The following RGS12 variants were observed in gnomAD, a reference collection of about 807,000 sequenced individuals.
RGS12 encodes regulator of G protein signaling 12, also known as regulator of G-protein signaling 12.
In RGS12, 66 loss-of-function variants were observed where a neutral mutation model predicts 120.1. That is an observed-to-expected ratio of 0.55 (90% CI 0.45 to 0.67). The LOEUF is 0.67. RGS12 is among the 30% of genes least tolerant of loss of function. The pLI is 0.00. For missense variants in RGS12, 1,859 were observed against 1,957.7 expected, an observed-to-expected ratio of 0.95 and a Z score of 0.95; for synonymous variants, 827 against 804.7, an observed-to-expected ratio of 1.03 and a Z score of -0.47.
chr4:3,345,957 A>T (rs1317124621), intron 3 of RGS12, among the ~76,000 whole-genome samples: 1 of 151,894 alleles, frequency 6.6e-6, no homozygotes, highest in Non-Finnish European at 1.5e-5. Context: ...GGGGTTTCTC[A>T]TGTTGCCCGG....
At chr4:3,423,935 C>T in intron 13 of RGS12, 2 of 317,500 alleles carry the variant, frequency 6.3e-6, no homozygotes, top group South Asian at 7.5e-5. Flanking sequence ...CCTGGACTAT[C>T]CTCCGCTGTT....
At position 3,374,758 on chromosome 4, in the gene RGS12, CA is replaced by C. The variant is rs1170225995; in HGVS notation, c.1999-11657del. ...CCTCGTCCCCATCTCTTGCCTGGAG[CA>C]CCACAGAGCCTCCAGCTGCCCCTGC... On this transcript the variant is annotated intron_variant, in intron 3 of 17. Coordinates refer to ENST00000336727, the MANE Select transcript of RGS12 (RefSeq NM_001394154.1). This position sits in a 1 kb window ranked among gnomAD's most constrained non-coding sequence, Gnocchi z 6.3. 6.6e-6 allele frequency among the ~76,000 whole-genome samples: 1 copy of C among 152,112 alleles called. No individual in the cohort carries two copies. The highest frequency in any genetic ancestry group is 1.5e-5 in the Non-Finnish European group (1 of 68,014).
At chr4:3,300,967 G>A (rs908164187) in intron 1 of RGS12, among the ~76,000 whole-genome samples, 1 of 152,226 alleles carries the variant, frequency 6.6e-6, no homozygotes, top group African/African-American at 2.4e-5. Flanking sequence ...ACCTGGGGGT[G>A]GTGAGGAGCC....
intron 2 of RGS12, chr4:3,342,338 C>T (rs1378893215): frequency 9.1e-7 from 1 of 1,097,246 alleles, no homozygotes; most frequent in African/African-American, 1.7e-5. Flanking sequence ...TAATGATGGG[C>T]ACAACATAGA....
In RGS12 at chr4:3,316,942, T is replaced by C. The variant is rs537770741; in HGVS notation, c.772T>C (p.Cys258Arg). 1 of 1,613,952 alleles carries C rather than the reference T, an allele frequency of 6.2e-7. No individual in the cohort carries two copies. Among genetic ancestry groups the C allele is most frequent in the East Asian group, 2.2e-5 (1 of 44,886 alleles). ...ESDSLQAIRG[C>R]MRRLRAEQKI... Reference sequence around the variant, plus strand: ...CGACAGCTTGCAAGCCATCCGCGGCTGCATGCGGCGCCTGCGGGCAGAGCA... The same window carrying C: ...CGACAGCTTGCAAGCCATCCGCGGCCGCATGCGGCGCCTGCGGGCAGAGCA... Residue 258 changes from cysteine (C) to arginine (R), a missense_variant, in exon 2 of 18, where the codon TGC (cysteine) becomes CGC (arginine). Cys to Arg is a radical substitution (Grantham distance 180). Transcript: ENST00000336727.
intron 4 of RGS12, among the ~76,000 whole-genome samples, chr4:3,387,530 G>A (rs1250452003): frequency 6.6e-6 from 1 of 152,250 alleles, no homozygotes; most frequent in Non-Finnish European, 1.5e-5. Flanking sequence ...ACTGGCACCT[G>A]AAGCCGAGAC....
At chr4:3,402,067 T>C (rs956109043) in intron 4 of RGS12, among the ~76,000 whole-genome samples, 4 of 152,234 alleles carry the variant, frequency 2.6e-5, no homozygotes, top group African/African-American at 9.6e-5. Context: ...CCTGGGCCAG[T>C]GGACATGGGA....
chr4:3,385,303 G>A (rs1718721366), intron 3 of RGS12: 1 of 152,386 alleles, frequency 6.6e-6, no homozygotes, highest in African/African-American at 2.4e-5. Flanking sequence ...CCCGCAGGAA[G>A]GGGTTCCTGC....
intron 5 of RGS12, 142 bp downstream of exon 5, chr4:3,414,383 C>T (rs538572727): frequency 2.3e-5 from 21 of 929,272 alleles, no homozygotes; most frequent in African/African-American, 5.0e-5. Context: ...CTCCCTGGAC[C>T]GCCACCCTCT....
chr4:3,414,522 G>A (rs1461764285), intron 5 of RGS12: 1 of 600,934 alleles, frequency 1.7e-6, no homozygotes, highest in African/African-American at 1.9e-5. Context: ...TCTGTGTTAA[G>A]AAGCCAGGTG....
intron 9 of RGS12, 120 bp downstream of exon 9, chr4:3,417,661 C>A: frequency 9.3e-7 from 1 of 1,075,576 alleles, no homozygotes. Flanking sequence ...GCCCTGTTGG[C>A]GGGTCGAGGA....
At chr4:3,381,962 T>C (rs1158695666) in intron 3 of RGS12, among the ~76,000 whole-genome samples, 1 of 152,234 alleles carries the variant, frequency 6.6e-6, no homozygotes, top group Non-Finnish European at 1.5e-5. Context: ...CAGCCACCTG[T>C]ATGTGAAGGC....
chr4:3,423,944 T>C (rs1275811914), intron 13 of RGS12: 4 of 296,206 alleles, frequency 1.4e-5, no homozygotes, highest in African/African-American at 8.5e-5. Context: ...TCCTCCGCTG[T>C]TGGCCAATGT....
chr4:3,301,205 C>T (rs1350983962), intron 1 of RGS12, among the ~76,000 whole-genome samples: 1 of 152,164 alleles, frequency 6.6e-6, no homozygotes, highest in Non-Finnish European at 1.5e-5. Flanking sequence ...GGCTGCCCTC[C>T]TCTGTTACAT....
Position 3,376,902 on chromosome 4 carries a change from G to C in RGS12, c.1999-9514G>C, listed in dbSNP as rs561464457. Among the ~76,000 whole-genome samples the C allele has an allele frequency of 5.9e-5, 9 of 152,328 alleles. No homozygotes were observed. In the South Asian group the frequency reaches 1.9e-3, roughly 32 times the overall value. ...CGAGGCCTCAGTCTCAGCCTCTGGC[G>C]TGGATGCTGTGCTCTTCTGCATTTA... is the stretch of plus-strand genomic sequence containing the variant. On this transcript the variant is annotated intron_variant, in intron 3 of 17. Transcript: ENST00000336727.
rs1042461000 is a variant in RGS12, at chr4:3,365,347, A to G, written c.1999-21069A>G. Among the ~76,000 whole-genome samples the G allele has an allele frequency of 8.8e-5, 13 of 148,200 alleles. No homozygotes were observed. Among genetic ancestry groups the G allele is most frequent in the Admixed American group, 4.0e-4 (6 of 14,968 alleles). The stretch of plus-strand genomic sequence containing the variant: ...TGCCTACTCTTGGCCCTTTACAGGG[A>G]GTCTGGAGGGAGGAGGGAGACAGGT... On this transcript the variant is annotated intron_variant, in intron 3 of 17. Transcript: ENST00000336727. The surrounding 1 kb of genome is among the most constrained non-coding windows in gnomAD (Gnocchi z 4.0).
chr4:3,386,547 C>G, intron 4 of RGS12, 110 bp downstream of exon 4: 2 of 947,784 alleles, frequency 2.1e-6, no homozygotes, highest in South Asian at 2.9e-5. Context: ...GTTTGCCTTT[C>G]CCTGTCTCCT....
intron 3 of RGS12, among the ~76,000 whole-genome samples, chr4:3,380,789 G>C (rs181008578): frequency 3.9e-4 from 60 of 152,264 alleles, no homozygotes; most frequent in African/African-American, 1.4e-3. Context: ...TCCAGCCCAG[G>C]AAACAATTTT....
rs1723210257 is a variant in RGS12, at chr4:3,293,928, CT to C, written c.-102+830del. On this transcript the variant is annotated intron_variant, in intron 1 of 17. Transcript: ENST00000336727. ...CATAGCTGTGGAGTGTAGACAGAGT[CT>C]CATAGCCGTGCAGACAGAGAAGGGG... 3.0e-3 allele frequency among the ~76,000 whole-genome samples: 60 copies of C among 19,984 alleles called. 2 individuals carry two copies. 13.1% of individuals were successfully genotyped at this position (19,984 alleles called of 152,430 possible).
Sources: gnomAD v4.1 joint callset for allele counts (sites outside exome capture counted in the v4.1 genomes callset) on GRCh38, gnomAD v4.1.1 for gene constraint, Gnocchi (gnomAD v3.1) non-coding constraint, MANE v1.5 for transcripts, NCBI Gene and HGNC (gene_info 2026-07-23, HGNC 2026-07-21) for gene names.